The following ACSM6 variants were observed in gnomAD, a reference collection of about 807,000 sequenced individuals.
The protein encoded by ACSM6 is acyl-CoA synthetase medium chain family member 6.
A neutral mutation model predicts 51.1 loss-of-function variants in ACSM6; 35 were observed. That is an observed-to-expected ratio of 0.69 (90% CI 0.52 to 0.91). The LOEUF (loss-of-function observed/expected upper bound fraction) is 0.91, where lower values mean the gene tolerates loss of function less well. Ranked by LOEUF, ACSM6 falls within the 40% of genes least tolerant of loss-of-function variation. The pLI is 0.00. For missense variants in ACSM6, 509 were observed against 584.1 expected, an observed-to-expected ratio of 0.87 and a Z score of 1.32; for synonymous variants, 172 against 207.3, an observed-to-expected ratio of 0.83 and a Z score of 1.46.
chr10:95,211,910 T>C (rs763736121), exon 6 of ACSM6: 2 of 1,612,674 alleles, frequency 1.2e-6, no homozygotes, highest in East Asian at 4.5e-5. Flanking sequence ...ACAGATGTCT[T>C]GTGGAGTCTG....
chr10:95,218,082 C>T (rs918945933), intron 8 of ACSM6, among the ~76,000 whole-genome samples: 1 of 152,222 alleles, frequency 6.6e-6, no homozygotes, highest in African/African-American at 2.4e-5. Flanking sequence ...GAAAACAGCA[C>T]ATCTTAGGCA....
chr10:95,206,362 T>C (rs1330756605), intron 3 of ACSM6, among the ~76,000 whole-genome samples: 2 of 152,228 alleles, frequency 1.3e-5, no homozygotes, highest in African/African-American at 2.4e-5. Flanking sequence ...TAGTATTTCA[T>C]TGTGTAAATA....
chr10:95,209,798 C>T (rs2034877024), intron 4 of ACSM6, among the ~76,000 whole-genome samples: 1 of 151,564 alleles, frequency 6.6e-6, no homozygotes, highest in African/African-American at 2.4e-5. Flanking sequence ...ACTGTATACT[C>T]TTTTCAATTG....
chr10:95,210,713 C>T, exon 5 of ACSM6: 4 of 1,614,020 alleles, frequency 2.5e-6, no homozygotes, highest in Non-Finnish European at 3.4e-6. Flanking sequence ...CCATATTCTT[C>T]ACCAAGGGTA....
chr10:95,215,291 T>G (rs2034933792), intron 8 of ACSM6, among the ~76,000 whole-genome samples: 1 of 152,072 alleles, frequency 6.6e-6, no homozygotes, highest in Admixed American at 6.6e-5. Flanking sequence ...CAAGTCTGAG[T>G]GGAGGATGTT....
At chr10:95,211,451 A>C (rs1426642470) in intron 5 of ACSM6, among the ~76,000 whole-genome samples, 1 of 152,254 alleles carries the variant, frequency 6.6e-6, no homozygotes, top group Non-Finnish European at 1.5e-5. Context: ...AACAAACTAC[A>C]CAAAGGTCCC....
intron 9 of ACSM6, among the ~76,000 whole-genome samples, chr10:95,220,343 G>A (rs1433011696): frequency 6.6e-6 from 1 of 152,164 alleles, no homozygotes; most frequent in Non-Finnish European, 1.5e-5. Context: ...ATACTAAAGT[G>A]GGAAGTCTAA....
At chr10:95,198,795 T>C (rs1017276358) in intron 2 of ACSM6, among the ~76,000 whole-genome samples, 2 of 152,174 alleles carry the variant, frequency 1.3e-5, no homozygotes, top group Non-Finnish European at 2.9e-5. Flanking sequence ...TTATTGGTCA[T>C]GGGAGGAGAA....
At chr10:95,204,794 A>G (rs2034826853) in intron 3 of ACSM6, among the ~76,000 whole-genome samples, 1 of 152,224 alleles carries the variant, frequency 6.6e-6, no homozygotes, top group Non-Finnish European at 1.5e-5. Flanking sequence ...AGGCTTTCTG[A>G]ATATGACACC....
intron 4 of ACSM6, among the ~76,000 whole-genome samples, chr10:95,209,579 C>G (rs1048807355): frequency 1.3e-5 from 2 of 151,398 alleles, no homozygotes; most frequent in Non-Finnish European, 2.9e-5. Flanking sequence ...GAGACAGGAC[C>G]GAAAACAAGC....
chr10:95,196,354 A>G lies in ACSM6; in HGVS notation c.192+1677A>G, dbSNP rs559042444. On this transcript the variant is annotated intron_variant, in intron 2 of 10. Transcript: ENST00000341686. The stretch of plus-strand genomic sequence containing the variant: ...AAGGCTTGGGCTCCAAAAGCCACAC[A>G]GTCAGCCCAACTAAACATTGGTTGT... Among the ~76,000 whole-genome samples the G allele has an allele frequency of 3.9e-5, 6 of 152,354 alleles. No homozygotes were observed. The South Asian group carries it at 1.2e-3, about 32-fold the overall frequency.
intron 3 of ACSM6, among the ~76,000 whole-genome samples, chr10:95,203,153 A>T (rs910914235): frequency 6.6e-5 from 10 of 152,086 alleles, no homozygotes; most frequent in African/African-American, 2.4e-4. Flanking sequence ...AGATTCTCAT[A>T]GGAGCGCAAA....
At chr10:95,225,613 T>C (rs1378397673) in intron 10 of ACSM6, 9 of 422,948 alleles carry the variant, frequency 2.1e-5, no homozygotes, top group Non-Finnish European at 2.5e-5. Flanking sequence ...TGATGAGACA[T>C]TTGGGAGTAA....
At chr10:95,221,783 T>C (rs1472724653) in intron 9 of ACSM6, among the ~76,000 whole-genome samples, 1 of 152,144 alleles carries the variant, frequency 6.6e-6, no homozygotes. Context: ...ACCAAATGCC[T>C]TCACAGATGC....
rs184420199 is a variant in ACSM6, at chr10:95,206,444, C to A, written c.404-764C>A. Among the ~76,000 whole-genome samples, 371 of 152,180 alleles carry A rather than the reference C, an allele frequency of 2.4e-3. 10 individuals are homozygous for A. Among genetic ancestry groups the A allele is most frequent in the Non-Finnish European group, 1.8e-4 (12 of 68,024 alleles). ...GGTTGTTTCCACATTTGGGCTATTA[C>A]GAACAATGACATTTTATGATGCCCA... On this transcript the variant is annotated intron_variant, in intron 3 of 10. Coordinates refer to ENST00000341686, the Ensembl canonical transcript of ACSM6.
chr10:95,200,218 A>AC (rs1250049009), intron 2 of ACSM6, among the ~76,000 whole-genome samples: 6 of 151,848 alleles, frequency 4.0e-5, no homozygotes, highest in Non-Finnish European at 8.8e-5. Flanking sequence ...GAAGCTGGAA[A>AC]CCATCATTCT....
chr10:95,220,107 A>G, intron 9 of ACSM6, 136 bp downstream of exon 9: 2 of 677,798 alleles, frequency 3.0e-6, no homozygotes, highest in Middle Eastern at 3.6e-4. Context: ...ATAATCTCAC[A>G]TTATTGCTTT....
intron 2 of ACSM6, among the ~76,000 whole-genome samples, chr10:95,196,716 C>G (rs1167768506): frequency 6.6e-6 from 1 of 152,152 alleles, no homozygotes; most frequent in Non-Finnish European, 1.5e-5. Flanking sequence ...TGTGAAAGCA[C>G]TATGCTGTGG....
intron 8 of ACSM6, 122 bp from the exon 9 acceptor site, chr10:95,219,769 A>C: frequency 1.5e-6 from 1 of 665,570 alleles, no homozygotes; most frequent in Non-Finnish European, 2.5e-6. Flanking sequence ...AATCAAGATT[A>C]CTTGTTAGAC....
Sources: gnomAD v4.1 joint callset for allele counts (sites outside exome capture counted in the v4.1 genomes callset) on GRCh38, gnomAD v4.1.1 for gene constraint, MANE v1.5 for transcripts, NCBI Gene and HGNC (gene_info 2026-07-23, HGNC 2026-07-21) for gene names.